Variants in FOXO1 observed in about 807,000 individuals in gnomAD.
FOXO1 encodes the protein forkhead box O1, also known as forkhead box protein O1.
Under a neutral mutation model 44.1 loss-of-function variants are expected in FOXO1, and 6 were observed. That is an observed-to-expected ratio of 0.14 (90% CI 0.07 to 0.27). The LOEUF is 0.27. FOXO1 is among the 10% of genes least tolerant of loss of function. The probability of loss-of-function intolerance (pLI) is 1.00; values close to 1 mark genes in which losing one functional copy is unlikely to be tolerated. For synonymous variants in FOXO1, 380 were observed against 362.7 expected (o/e 1.05, Z -0.54); for missense variants, 737 against 888.8 (o/e 0.83, Z 2.17).
At chr13:40,603,930 G>T (rs570356468) in intron 1 of FOXO1, among the ~76,000 whole-genome samples, 1 of 152,324 alleles carries the variant, frequency 6.6e-6, no homozygotes, top group South Asian at 2.1e-4. Flanking sequence ...AGCTTTAGCA[G>T]TCAGAGTGCC....
chr13:40,665,516 TGCACA>T, intron 1 of FOXO1, 62 bp downstream of exon 1: 1 of 1,273,690 alleles, frequency 7.9e-7, no homozygotes, highest in Non-Finnish European at 1.0e-6. Flanking sequence ...CGAGCAAACC[TGCACA>T]GCTGCGCCCT....
At chr13:40,564,751 CA>C (rs1874196092) in intron 1 of FOXO1, among the ~76,000 whole-genome samples, 1 of 152,158 alleles carries the variant, frequency 6.6e-6, no homozygotes, top group African/African-American at 2.4e-5. Context: ...ATCACTTGCC[CA>C]AATCCAGCGT....
chr13:40,632,299 T>C (rs748337485), intron 1 of FOXO1, among the ~76,000 whole-genome samples: 1 of 152,068 alleles, frequency 6.6e-6, no homozygotes, highest in Non-Finnish European at 1.5e-5. Context: ...CCCCACAGAA[T>C]GGGAGCAATT....
chr13:40,656,869 C>G (rs898384669), intron 1 of FOXO1, among the ~76,000 whole-genome samples: 3 of 150,228 alleles, frequency 2.0e-5, no homozygotes, highest in African/African-American at 7.4e-5. Context: ...CTCTCTCTGT[C>G]GCCCAGGCTG....
At position 40,654,500 on chromosome 13, in the gene FOXO1, C is replaced by CA. The variant is rs199597846; in HGVS notation, c.630+11082dup. On this transcript the variant is annotated intron_variant, in intron 1 of 2. Transcript: ENST00000379561. ...TGGGCGACAGAGCGAGACTCTGTCA[C>CA]AAAAAAAAAAAAAAAGAAGAAAAAG... Among the ~76,000 whole-genome samples, 551 of 108,244 alleles carry CA rather than the reference C, an allele frequency of 5.1e-3. 4 individuals are homozygous for CA. Among genetic ancestry groups the CA allele is most frequent in the East Asian group, 0.014 (63 of 4,568 alleles). The allele number at this position is 108,244 out of a possible 152,430, so 71.0% of individuals were successfully genotyped here. A position where few individuals can be genotyped will look rare whatever the true frequency, so the allele number is the denominator to read the frequency against.
intron 1 of FOXO1, among the ~76,000 whole-genome samples, chr13:40,593,201 T>C (rs1350359132): frequency 6.6e-6 from 1 of 151,748 alleles, no homozygotes; most frequent in Non-Finnish European, 1.5e-5. Context: ...TTTTTGTTGG[T>C]TTTTTTTATA....
intron 1 of FOXO1, among the ~76,000 whole-genome samples, chr13:40,613,715 A>G (rs1876316301): frequency 1.3e-5 from 2 of 152,348 alleles, no homozygotes; most frequent in Non-Finnish European, 2.9e-5. Flanking sequence ...GAGGAAGCAC[A>G]TTCAGGTCAC....
At chr13:40,566,390 T>C (rs1424591912) in intron 1 of FOXO1, among the ~76,000 whole-genome samples, 3 of 151,998 alleles carry the variant, frequency 2.0e-5, no homozygotes, top group Non-Finnish European at 4.4e-5. Flanking sequence ...TTTTTTTTTT[T>C]TTTTTAAAGA....
chr13:40,634,799 C>A (rs1485011532), intron 1 of FOXO1, among the ~76,000 whole-genome samples: 3 of 152,050 alleles, frequency 2.0e-5, no homozygotes, highest in Admixed American at 2.0e-4. Context: ...CCTTCCTCAG[C>A]CCCGAGTAGC....
Position 40,559,690 on chromosome 13 carries a change from C to T in FOXO1, c.1801G>A (p.Asp601Asn). Reference sequence around the variant, plus strand: ...CGCTCAATGAACATGCCATCCAAGTCACTTGGGAGCTTCTCCTGGTGGAGA... The same window carrying T: ...CGCTCAATGAACATGCCATCCAAGTTACTTGGGAGCTTCTCCTGGTGGAGA... ...GLLHQEKLPS[D>N]LDGMFIERLD... The change falls in exon 2 of 3, where the codon GAC becomes AAC. Residue 601 changes from aspartate to asparagine, a missense_variant. Physicochemically the swap from Asp to Asn is conservative, Grantham distance 23. Around this residue, in one of 7 missense-constraint regions of FOXO1, gnomAD observed 45 missense variants for 78.3 expected, o/e 0.57. Transcript: ENST00000379561. 1 of 1,614,180 alleles carries T rather than the reference C, an allele frequency of 6.2e-7. No homozygotes were observed. Among genetic ancestry groups the T allele is most frequent in the Non-Finnish European group, 8.5e-7 (1 of 1,180,008 alleles).
chr13:40,647,696 C>T (rs910871051), intron 1 of FOXO1, among the ~76,000 whole-genome samples: 3 of 152,170 alleles, frequency 2.0e-5, no homozygotes, highest in Admixed American at 6.5e-5. Context: ...TGAGCCACCG[C>T]GCCCAGCTAT....
intron 1 of FOXO1, chr13:40,611,161 C>G (rs192263007): frequency 2.4e-6 from 1 of 408,912 alleles, no homozygotes; most frequent in Admixed American, 2.8e-5. Flanking sequence ...AATATATTCT[C>G]AGAACAATGA....
intron 1 of FOXO1, among the ~76,000 whole-genome samples, chr13:40,627,723 C>T (rs1263102244): frequency 2.6e-5 from 4 of 151,856 alleles, no homozygotes; most frequent in Non-Finnish European, 5.9e-5. Context: ...ATCCCAGCTA[C>T]TCGGGAAGCT....
chr13:40,653,465 G>C (rs1877751224), intron 1 of FOXO1, among the ~76,000 whole-genome samples: 1 of 152,110 alleles, frequency 6.6e-6, no homozygotes, highest in African/African-American at 2.4e-5. Context: ...AATTAAAAAA[G>C]GAAAACCAAT....
chr13:40,601,647 TTC>T (rs1386950397), intron 1 of FOXO1, among the ~76,000 whole-genome samples: 6 of 152,214 alleles, frequency 3.9e-5, no homozygotes, highest in Admixed American at 6.5e-5. Flanking sequence ...TTTAAAAAAT[TTC>T]TGTTAAAATT....
intron 1 of FOXO1, among the ~76,000 whole-genome samples, chr13:40,571,218 G>A (rs958249350): frequency 3.8e-4 from 57 of 150,024 alleles, no homozygotes; most frequent in African/African-American, 1.2e-3. Flanking sequence ...ACCGGGGCCT[G>A]TCATGGGGTG....
In FOXO1 at chr13:40,559,523, TCAGCCTGACACC is replaced by T; in HGVS notation, c.1956_1967del (p.Trp652_Gly655del). On this transcript the variant is annotated inframe_deletion, in exon 2 of 3. Coordinates refer to ENST00000379561, the MANE Select transcript of FOXO1 (RefSeq NM_002015.4). ...GGTGAACTTACCTGCTCACTAACCC[TCAGCCTGACACC>T]CAGCTATGTGTCGTTGTCTTGACAC... 6.3e-7 allele frequency: 1 copy of T among 1,585,996 alleles called. No homozygotes were observed. The highest frequency in any genetic ancestry group is 8.6e-7 in the Non-Finnish European group (1 of 1,163,992).
intron 1 of FOXO1, among the ~76,000 whole-genome samples, chr13:40,640,636 A>G (rs1877316552): frequency 6.6e-6 from 1 of 152,086 alleles, no homozygotes; most frequent in African/African-American, 2.4e-5. Flanking sequence ...ATGTGGATGA[A>G]AGCTTAAGGA....
intron 1 of FOXO1, among the ~76,000 whole-genome samples, chr13:40,625,541 G>C (rs1418513089): frequency 6.6e-6 from 1 of 151,422 alleles, no homozygotes; most frequent in Non-Finnish European, 1.5e-5. Flanking sequence ...TAAAACAGAG[G>C]TTTTTTTTAC....
Sources: gnomAD v4.1 joint callset for allele counts (sites outside exome capture counted in the v4.1 genomes callset) on GRCh38, gnomAD v4.1.1 for gene constraint, gnomAD v4.1.1 regional missense constraint, MANE v1.5 for transcripts, NCBI Gene and HGNC (gene_info 2026-07-23, HGNC 2026-07-21) for gene names.